STT3B: variants seen among roughly 807,000 people sequenced by gnomAD.
STT3B encodes STT3 oligosaccharyltransferase complex catalytic subunit B.
STT3B carries 29 observed loss-of-function variants against 96.8 expected under a neutral mutation model. The ratio of observed to expected loss-of-function variants is 0.30; its 90% confidence interval spans 0.22 to 0.41. STT3B has a LOEUF of 0.41. Among genes scored for constraint, STT3B ranks in the 10% least tolerant of loss-of-function variants. The pLI is 1.00. For missense variants in STT3B, 640 were observed against 1,022.3 expected (o/e 0.63, Z 5.10); for synonymous variants, 367 against 360.0 (o/e 1.02, Z -0.22).
intron 3 of STT3B, among the ~76,000 whole-genome samples, chr3:31,581,082 A>G (rs1179474249): frequency 6.6e-6 from 1 of 152,172 alleles, no homozygotes; most frequent in Non-Finnish European, 1.5e-5. Flanking sequence ...ATAAGTTGTG[A>G]TAAAATATGT....
chr3:31,585,770 G>A (rs2125456244), intron 3 of STT3B, among the ~76,000 whole-genome samples: 1 of 152,082 alleles, frequency 6.6e-6, no homozygotes, highest in South Asian at 2.1e-4. Flanking sequence ...CCTTCACTTA[G>A]CATAATATTT....
chr3:31,607,742 G>GT (rs1699085960), intron 5 of STT3B, among the ~76,000 whole-genome samples: 1 of 93,954 alleles, frequency 1.1e-5, no homozygotes, highest in East Asian at 2.5e-4. Context: ...GTTTTTTGTT[G>GT]TTTTTGGGGG....
chr3:31,616,896 T>C (rs1699318495), intron 6 of STT3B, 33 bp from the exon 7 acceptor site: 3 of 1,562,988 alleles, frequency 1.9e-6, no homozygotes, highest in Non-Finnish European at 2.6e-6. Context: ...GGAAAACTGC[T>C]TTGTTGATTA....
In STT3B at chr3:31,636,007, C is replaced by T. The variant is rs994238429; in HGVS notation, c.2424C>T (p.Tyr808=). 6.2e-7 allele frequency: 1 copy of T among 1,607,084 alleles called. No individual in the cohort carries two copies. The highest frequency in any genetic ancestry group is 8.5e-7 in the Non-Finnish European group (1 of 1,176,744). Residue 808 remains tyrosine, a synonymous_variant, in exon 16 of 16, where the codon TAC becomes TAT. Transcript: ENST00000295770. ...SKKTTKRKRG[Y]IKNKLVFKKG... is the part of the protein sequence containing the mutation. The stretch of plus-strand genomic sequence containing the variant: ...AGACTACCAAAAGGAAGCGTGGCTA[C>T]ATTAAAAATAAGCTGGTTTTTAAGA...
In STT3B at chr3:31,630,359, GT is replaced by G. The variant is rs1559394033; in HGVS notation, c.2187+951del. ...CTCCCATATATGTACCCTTCTACTA[GT>G]TTCTCCCATATATGTACCCTTCTAC... On this transcript the variant is annotated intron_variant, in intron 14 of 15. Coordinates refer to ENST00000295770, the MANE Select transcript of STT3B (RefSeq NM_178862.3). 5.9e-5 allele frequency among the ~76,000 whole-genome samples: 9 copies of G among 152,226 alleles called. No individual in the cohort carries two copies. The South Asian group carries it at 1.7e-3, about 28-fold the overall frequency.
chr3:31,559,314 T>A (rs901615678), intron 1 of STT3B, among the ~76,000 whole-genome samples: 1 of 146,022 alleles, frequency 6.8e-6, no homozygotes, highest in Non-Finnish European at 1.5e-5. Flanking sequence ...GTCTTTGTAT[T>A]TTTTTTTTTA....
chr3:31,538,368 A>G (rs1466371646), intron 1 of STT3B, among the ~76,000 whole-genome samples: 1 of 152,188 alleles, frequency 6.6e-6, no homozygotes, highest in Non-Finnish European at 1.5e-5. Context: ...AGATTCCATC[A>G]TTCCAGGTTT....
At chr3:31,549,876 A>T (rs776412346) in intron 1 of STT3B, among the ~76,000 whole-genome samples, 73 of 152,362 alleles carry the variant, frequency 4.8e-4, no homozygotes, top group Non-Finnish European at 8.5e-4. Flanking sequence ...CCTTCTGCCT[A>T]CATTATTTAG....
At chr3:31,617,804 G>T (rs538964369) in intron 7 of STT3B, 136 bp from the exon 8 acceptor site, 114 of 664,666 alleles carry the variant, frequency 1.7e-4, no homozygotes, top group African/African-American at 1.7e-3. Flanking sequence ...GAAATAGGTT[G>T]ACACCTATAA....
rs17027884 is a variant in STT3B at position 31,635,989 on chromosome 3, C to A, written c.2406C>A (p.Thr802=). The change falls in exon 16 of 16, where the codon ACC becomes ACA. Residue 802 remains threonine, a synonymous_variant. Transcript: ENST00000295770. ...TGTGTTTTGTTTTTTTATAGACTAC[C>A]AAAAGGAAGCGTGGCTACATTAAAA... is the stretch of plus-strand genomic sequence containing the variant. The part of the protein sequence containing the change: ...PKQKYLSKKT[T]KRKRGYIKNK... 3,603 of 1,601,578 alleles carry A rather than the reference C, an allele frequency of 2.2e-3. 78 individuals carry two copies. The African/African-American group carries it at 0.043, about 19-fold the overall frequency.
At chr3:31,561,049 A>AT (rs1347402148) in intron 1 of STT3B, among the ~76,000 whole-genome samples, 2 of 151,464 alleles carry the variant, frequency 1.3e-5, no homozygotes, top group Non-Finnish European at 2.9e-5. Flanking sequence ...TTTCATATAT[A>AT]TTTTTTATTT....
At position 31,636,167 on chromosome 3, in the gene STT3B, C is replaced by A; in HGVS notation, c.*103C>A. ...CACAGCAAAGAGGGTACAGAACCAT[C>A]ACTGGTCCAGGTTAATGTACAAAAT... On this transcript the variant is annotated 3_prime_UTR_variant, in exon 16 of 16. Transcript: ENST00000295770. The A allele has an allele frequency of 1.2e-6, 1 of 836,810 alleles. No individual in the cohort carries two copies. Among genetic ancestry groups the A allele is most frequent in the Non-Finnish European group, 1.8e-6 (1 of 561,100 alleles). The allele number at this position is 836,810 out of a possible 1,614,324, so 51.8% of individuals were successfully genotyped here. A position where few individuals can be genotyped will look rare whatever the true frequency, so the allele number is the denominator to read the frequency against.
chr3:31,609,593 G>GTTT (rs1166480004), intron 5 of STT3B, among the ~76,000 whole-genome samples: 1 of 151,414 alleles, frequency 6.6e-6, no homozygotes, highest in African/African-American at 2.4e-5. Flanking sequence ...TTGTTTTTTT[G>GTTT]TTTTGTTTTG....
intron 4 of STT3B, 83 bp from the exon 5 acceptor site, chr3:31,600,277 G>C (rs185163001): frequency 1.9e-6 from 1 of 536,744 alleles, no homozygotes; most frequent in Non-Finnish European, 3.2e-6. Context: ...GTTTATATTT[G>C]CTCATTGTAT....
At chr3:31,571,280 T>C (rs1262421109) in intron 1 of STT3B, among the ~76,000 whole-genome samples, 1 of 65,544 alleles carries the variant, frequency 1.5e-5, no homozygotes, top group Non-Finnish European at 3.4e-5. Flanking sequence ...GAAAGCCTCA[T>C]GCATTTTTTT....
intron 5 of STT3B, among the ~76,000 whole-genome samples, chr3:31,607,497 C>T (rs930865853): frequency 6.6e-6 from 1 of 152,034 alleles, no homozygotes; most frequent in Non-Finnish European, 1.5e-5. Flanking sequence ...AGGGGAAACT[C>T]CTTTCGCTTG....
In STT3B at chr3:31,579,909, C is replaced by G; in HGVS notation, c.524C>G (p.Pro175Arg). The G allele has an allele frequency of 6.2e-7, 1 of 1,613,780 alleles. No individual in the cohort carries two copies. Among genetic ancestry groups the G allele is most frequent in the Non-Finnish European group, 8.5e-7 (1 of 1,179,818 alleles). The change falls in exon 3 of 16, where the codon CCA becomes CGA. Residue 175 changes from proline (P) to arginine (R), a missense_variant. This residue lies in a region of STT3B where 267 missense variants were observed against 388.3 expected (regional missense o/e 0.69). Transcript: ENST00000295770. ...HIRDVCVFLA[P>R]TFSGLTSIST... ...AGAGACGTATGTGTGTTCCTTGCAC[C>G]AACTTTTAGCGGCCTTACATCTATA...
chr3:31,582,300 C>CTT lies in STT3B; in HGVS notation c.711+2217_711+2218dup, dbSNP rs11430589. 2.2e-3 allele frequency among the ~76,000 whole-genome samples: 307 copies of CTT among 139,226 alleles called. 1 individual carries two copies. The highest frequency in any genetic ancestry group is 7.7e-3 in the South Asian group (34 of 4,440). The allele number at this position is 139,226 out of a possible 152,430, so 91.3% of individuals were successfully genotyped here. A position where few individuals can be genotyped will look rare whatever the true frequency, so the allele number is the denominator to read the frequency against. ...TTTAGTTTGTTCTTTTTCTTTCCTTCTTTTTTTTTTTTTTGGAGACGGAGT... is the reference window on the plus strand; with the variant it reads ...TTTAGTTTGTTCTTTTTCTTTCCTTCTTTTTTTTTTTTTTTTGGAGACGGAGT... On this transcript the variant is annotated intron_variant, in intron 3 of 15. Coordinates refer to ENST00000295770, the MANE Select transcript of STT3B (RefSeq NM_178862.3).
chr3:31,541,290 T>C (rs569877267), intron 1 of STT3B, among the ~76,000 whole-genome samples: 3 of 152,312 alleles, frequency 2.0e-5, no homozygotes, highest in African/African-American at 7.2e-5. Context: ...GCCACTACCT[T>C]AGACGACCTG....
Sources: gnomAD v4.1 joint callset for allele counts (sites outside exome capture counted in the v4.1 genomes callset) on GRCh38, gnomAD v4.1.1 for gene constraint, gnomAD v4.1.1 regional missense constraint, MANE v1.5 for transcripts, NCBI Gene and HGNC (gene_info 2026-07-23, HGNC 2026-07-21) for gene names.